HMGB1: variants seen among roughly 807,000 people sequenced by gnomAD.
HMGB1 encodes high mobility group protein B1.
For missense variants in HMGB1, 79 were observed against 253.5 expected (o/e 0.31, Z 4.67); for synonymous variants, 81 against 84.0 (o/e 0.96, Z 0.19).
At chr13:30,616,336 GACA>G (rs771973102) in intron 1 of HMGB1, among the ~76,000 whole-genome samples, 8 of 152,182 alleles carry the variant, frequency 5.3e-5, no homozygotes, top group Non-Finnish European at 7.3e-5. Context: ...CAACTTTGCA[GACA>G]ACGTTTTAAA....
chr13:30,492,994 CAAAAAA>C (rs1022752871), intron 1 of HMGB1, among the ~76,000 whole-genome samples: 1 of 40,454 alleles, frequency 2.5e-5, no homozygotes, highest in Non-Finnish European at 4.8e-5. Flanking sequence ...GACTACATCT[CAAAAAA>C]AAAAAAAAAA....
At chr13:30,555,273 C>T (rs1869637211) in intron 1 of HMGB1, among the ~76,000 whole-genome samples, 1 of 151,978 alleles carries the variant, frequency 6.6e-6, no homozygotes, top group Non-Finnish European at 1.5e-5. Context: ...GATCTCCTGA[C>T]CTCGTGATCC....
chr13:30,560,018 G>A (rs1346085897), intron 1 of HMGB1, among the ~76,000 whole-genome samples: 1 of 152,076 alleles, frequency 6.6e-6, no homozygotes, highest in Admixed American at 6.5e-5. Flanking sequence ...GCATTTACCA[G>A]AATGTGTGTG....
At chr13:30,595,673 T>C (rs1461155597) in intron 1 of HMGB1, among the ~76,000 whole-genome samples, 2 of 152,168 alleles carry the variant, frequency 1.3e-5, no homozygotes. Flanking sequence ...CGGCCATCCT[T>C]TGAGGGCTCT....
At chr13:30,464,485 A>G in intron 1 of HMGB1, 2 of 984,952 alleles carry the variant, frequency 2.0e-6, no homozygotes, top group East Asian at 1.1e-4. Context: ...CCCCGCCCCT[A>G]GAACTTCGCC....
At chr13:30,578,748 T>C (rs1310056131) in intron 1 of HMGB1, among the ~76,000 whole-genome samples, 2 of 152,230 alleles carry the variant, frequency 1.3e-5, no homozygotes, top group Admixed American at 1.3e-4. Flanking sequence ...CTTCTCTATA[T>C]ATACCTATAC....
chr13:30,507,327 A>G (rs1887891718), intron 1 of HMGB1, among the ~76,000 whole-genome samples: 1 of 152,164 alleles, frequency 6.6e-6, no homozygotes. Flanking sequence ...TTCACCTCAC[A>G]CACGTATTCA....
intron 1 of HMGB1, among the ~76,000 whole-genome samples, chr13:30,575,424 T>C (rs911912479): frequency 2.0e-5 from 3 of 152,200 alleles, no homozygotes; most frequent in Non-Finnish European, 4.4e-5. Flanking sequence ...ATGTCTTACA[T>C]AGGGACTCTG....
chr13:30,517,975 A>G (rs1232035231), intron 1 of HMGB1, among the ~76,000 whole-genome samples: 3 of 152,182 alleles, frequency 2.0e-5, no homozygotes, highest in African/African-American at 7.2e-5. Flanking sequence ...GAAAACCCAG[A>G]GCTGGCCAAG....
At position 30,581,161 on chromosome 13, in the gene HMGB1, G is replaced by T. The variant is rs147953561; in HGVS notation, c.-15+35510C>A. On this transcript the variant is annotated intron_variant, in intron 1 of 4. Coordinates refer to the HMGB1 transcript ENST00000405805. Reference sequence around the variant, plus strand: ...CTGCCTAATACAAAAAGAAAAAAAAGAATTTTAACAAACAAATGAGGGAAT... The same window carrying T: ...CTGCCTAATACAAAAAGAAAAAAAATAATTTTAACAAACAAATGAGGGAAT... Among the ~76,000 whole-genome samples, 17 of 152,242 alleles carry T rather than the reference G, an allele frequency of 1.1e-4. 1 individual carries two copies. In the East Asian group the frequency reaches 3.3e-3, roughly 29 times the overall value.
chr13:30,595,695 G>A (rs767899655), intron 1 of HMGB1, among the ~76,000 whole-genome samples: 3 of 152,138 alleles, frequency 2.0e-5, no homozygotes, highest in Non-Finnish European at 4.4e-5. Context: ...AGGGCTTTGA[G>A]GGCTGCACGA....
At chr13:30,565,170 T>A (rs1593315495) in intron 1 of HMGB1, among the ~76,000 whole-genome samples, 1 of 152,228 alleles carries the variant, frequency 6.6e-6, no homozygotes, top group Non-Finnish European at 1.5e-5. Flanking sequence ...CAGGTTCATA[T>A]CAAGCTTCCA....
rs534285525 is a variant in HMGB1 at position 30,595,655 on chromosome 13, G to A, written c.-15+21016C>T. On this transcript the variant is annotated intron_variant, in intron 1 of 4. Coordinates refer to the HMGB1 transcript ENST00000405805. ...CTGGCTCAGCTGTAGACAAGATGTC[G>A]GCTGGGACGGCCATCCTTTGAGGGC... 4.6e-5 allele frequency among the ~76,000 whole-genome samples: 7 copies of A among 152,276 alleles called. No homozygotes were observed. The East Asian group carries it at 7.7e-4, about 17-fold the overall frequency.
chr13:30,466,340 A>T (rs980066854), upstream of HMGB1, among the ~76,000 whole-genome samples: 2 of 143,424 alleles, frequency 1.4e-5, no homozygotes, highest in Non-Finnish European at 3.0e-5. Flanking sequence ...AGCCGTTGAG[A>T]TAAGAGGCCC....
chr13:30,609,383 T>C (rs958767366), intron 1 of HMGB1, among the ~76,000 whole-genome samples: 2 of 152,298 alleles, frequency 1.3e-5, no homozygotes, highest in East Asian at 3.9e-4. Flanking sequence ...GAATCATGCA[T>C]GAAACCCAAG....
At chr13:30,465,945 GC>G, upstream of HMGB1, 1 of 986,138 alleles carries the variant, frequency 1.0e-6, no homozygotes, top group Non-Finnish European at 1.2e-6. Flanking sequence ...TTACTCTCCA[GC>G]CAGCGCGGCT....
Position 30,559,454 on chromosome 13 carries a change from G to C in HMGB1, c.-15+57217C>G, listed in dbSNP as rs938878756. Among the ~76,000 whole-genome samples, 2 of 152,196 alleles carry C rather than the reference G, an allele frequency of 1.3e-5. No individual in the cohort carries two copies. The highest frequency in any genetic ancestry group is 2.9e-5 in the Non-Finnish European group (2 of 68,028). On this transcript the variant is annotated intron_variant, in intron 1 of 4. Transcript: ENST00000405805. The surrounding 1 kb of genome is among the most constrained non-coding windows in gnomAD (Gnocchi z 6.6). ...TTAAATAACCTGTCAAAAGAATGAA[G>C]TGATGGAAGCCAGACTCAAACCAAC...
At chr13:30,616,754 C>T (rs924784385) in exon 1 of HMGB1, 9 of 152,138 alleles carry the variant, frequency 5.9e-5, no homozygotes, top group African/African-American at 2.2e-4. Flanking sequence ...AACTAAAATC[C>T]TTTTTACTAA....
At chr13:30,462,495 G>A (rs1280571933) in intron 4 of HMGB1, 43 bp downstream of exon 4, 2 of 1,451,206 alleles carry the variant, frequency 1.4e-6, no homozygotes, top group Admixed American at 3.3e-5. Flanking sequence ...CATACATCTG[G>A]CGTACTTGTC....
Sources: gnomAD v4.1 joint callset for allele counts (sites outside exome capture counted in the v4.1 genomes callset) on GRCh38, gnomAD v4.1.1 for gene constraint, Gnocchi (gnomAD v3.1) non-coding constraint, MANE v1.5 for transcripts, NCBI Gene and HGNC (gene_info 2026-07-23, HGNC 2026-07-21) for gene names.